The following BRD10 variants were observed in gnomAD, a reference collection of about 807,000 sequenced individuals.
BRD10 encodes bromodomain containing 10.
chr9:6,007,530 C>T, the BRD10 span: 11 of 1,613,092 alleles, frequency 6.8e-6, no homozygotes, highest in Non-Finnish European at 9.3e-6. Context: ...GGAACTCGCC[C>T]AGGATGCGGT....
chr9:5,923,524 C>T, the BRD10 span, among the ~76,000 whole-genome samples: 1 of 152,098 alleles, frequency 6.6e-6, no homozygotes. Flanking sequence ...CAAGAAAAAC[C>T]TATTATTGAG....
chr9:5,954,073 T>C, the BRD10 span: 1 of 1,553,552 alleles, frequency 6.4e-7, no homozygotes, highest in Admixed American at 1.9e-5. Flanking sequence ...TTGTGATTGC[T>C]TTTTTAGAGA....
the BRD10 span, among the ~76,000 whole-genome samples, chr9:5,996,313 T>G: frequency 6.6e-6 from 1 of 150,482 alleles, no homozygotes; most frequent in Non-Finnish European, 1.5e-5. Flanking sequence ...CTTGGTTTTT[T>G]TTTTTGTTGT....
the BRD10 span, among the ~76,000 whole-genome samples, chr9:5,981,764 G>A: frequency 6.6e-6 from 1 of 152,040 alleles, no homozygotes; most frequent in Non-Finnish European, 1.5e-5. Flanking sequence ...TCTGGAAAAT[G>A]GATACACTGA....
the BRD10 span, among the ~76,000 whole-genome samples, chr9:5,964,118 A>G: frequency 2.0e-5 from 3 of 151,974 alleles, no homozygotes; most frequent in Non-Finnish European, 4.4e-5. Context: ...GTGAACAGGC[A>G]ACCCACAAAA....
At chr9:5,923,946 A>G in the BRD10 span, among the ~76,000 whole-genome samples, 3 of 152,210 alleles carry the variant, frequency 2.0e-5, no homozygotes, top group East Asian at 3.8e-4. Context: ...CTAGATTTAC[A>G]TAACGTAATC....
At chr9:5,971,916 A>AG in the BRD10 span, among the ~76,000 whole-genome samples, 4 of 150,854 alleles carry the variant, frequency 2.7e-5, no homozygotes, top group African/African-American at 5.0e-5. Flanking sequence ...GAGTGGTGAG[A>AG]GGAAAAAAAA....
the BRD10 span, among the ~76,000 whole-genome samples, chr9:5,912,895 A>G: frequency 6.6e-6 from 1 of 152,146 alleles, no homozygotes; most frequent in Non-Finnish European, 1.5e-5. Context: ...AGCATTTTCC[A>G]CTTGCCCATA....
the BRD10 span, among the ~76,000 whole-genome samples, chr9:5,927,987 T>G: frequency 6.6e-6 from 1 of 152,182 alleles, no homozygotes; most frequent in Non-Finnish European, 1.5e-5. Context: ...TAACACCAAT[T>G]ATATGTCTAA....
At chr9:5,900,443 A>C in the BRD10 span, among the ~76,000 whole-genome samples, 6 of 152,210 alleles carry the variant, frequency 3.9e-5, no homozygotes, top group Non-Finnish European at 7.3e-5. Flanking sequence ...GGAGATCAGC[A>C]GTCTAATAAG....
chr9:5,983,998 CA>C, the BRD10 span, among the ~76,000 whole-genome samples: 3 of 151,228 alleles, frequency 2.0e-5, no homozygotes, highest in African/African-American at 4.9e-5. Context: ...CACACACACA[CA>C]CACACACCCC....
At chr9:5,924,704 G>T in the BRD10 span, 1 of 1,594,224 alleles carries the variant, frequency 6.3e-7, no homozygotes, top group Non-Finnish European at 8.6e-7. Context: ...GTTCTGTTGA[G>T]TCTATAGACT....
chr9:5,939,831 T>C, the BRD10 span, among the ~76,000 whole-genome samples: 180 of 152,338 alleles, frequency 1.2e-3, no homozygotes, highest in Middle Eastern at 6.8e-3. Flanking sequence ...AGCAGCAACA[T>C]TGGTTTCAAT....
At chr9:5,907,428 A>T in the BRD10 span, among the ~76,000 whole-genome samples, 1 of 152,362 alleles carries the variant, frequency 6.6e-6, no homozygotes, top group East Asian at 1.9e-4. Flanking sequence ...CTTAGCCACT[A>T]GTCACATGGT....
the BRD10 span, chr9:6,007,481 G>A: frequency 6.2e-7 from 1 of 1,611,762 alleles, no homozygotes; most frequent in Non-Finnish European, 8.5e-7. Flanking sequence ...CCCAAGGGCT[G>A]CAGAAAGGGG....
chr9:5,921,000 G>C, the BRD10 span: 1 of 1,613,940 alleles, frequency 6.2e-7, no homozygotes. Flanking sequence ...GAGGTCACTG[G>C]AAAGGAACCC....
At chr9:5,932,756 T>A in the BRD10 span, among the ~76,000 whole-genome samples, 1 of 152,174 alleles carries the variant, frequency 6.6e-6, no homozygotes, top group African/African-American at 2.4e-5. Flanking sequence ...TACTAACGTC[T>A]AATCTCCTTC....
chr9:5,944,744 GTTTCTA>G, the BRD10 span: 1 of 521,178 alleles, frequency 1.9e-6, no homozygotes, highest in Non-Finnish European at 3.4e-6. Context: ...AAGAAACAAT[GTTTCTA>G]TCTTTCATGG....
the BRD10 span, among the ~76,000 whole-genome samples, chr9:5,905,062 C>T: frequency 1.1e-4 from 17 of 152,314 alleles, no homozygotes; most frequent in South Asian, 6.2e-4. Context: ...TGTGAGCCAC[C>T]GTGCCCGGCC....
Sources: allele counts gnomAD v4.1 joint callset (sites outside exome capture counted in the v4.1 genomes callset), GRCh38; gene constraint gnomAD v4.1.1; transcripts MANE v1.5; gene names NCBI Gene and HGNC (gene_info 2026-07-23, HGNC 2026-07-21).